KCNC2: variants seen among roughly 807,000 people sequenced by gnomAD.
The protein encoded by KCNC2 is voltage-gated potassium channel KCNC2.
Under a neutral mutation model 44.5 loss-of-function variants are expected in KCNC2, and 21 were observed. The observed-to-expected ratio is 0.47, with a 90% CI of 0.33 to 0.68. The LOEUF (loss-of-function observed/expected upper bound fraction) is 0.68, where lower values mean the gene tolerates loss of function less well. Ranked by LOEUF, KCNC2 falls within the 30% of genes least tolerant of loss-of-function variation. The pLI, the probability that KCNC2 is intolerant of heterozygous loss-of-function variation, is 0.01. For missense variants in KCNC2, 589 were observed against 826.2 expected, an observed-to-expected ratio of 0.71 and a Z score of 3.52; for synonymous variants, 391 against 339.1, an observed-to-expected ratio of 1.15 and a Z score of -1.68.
In KCNC2 at chr12:75,050,413, C is replaced by T. The variant is rs201668041; in HGVS notation, c.1592G>A (p.Arg531Gln). The part of the protein sequence containing the change: ...QSDTCLGKDN[R>Q]LLEHNRSVLS... ...ACCTGATCTGTTATGTTCCAGAAGT[C>T]GATTGTCTTTGCCCAGACATGTGTC... Residue 531 changes from arginine (R) to glutamine (Q), a missense_variant, in exon 3 of 5, where the codon CGA (arginine) becomes CAA (glutamine). Arg to Gln is a conservative substitution (Grantham distance 43, BLOSUM62 1). Coordinates refer to ENST00000549446, the MANE Select transcript of KCNC2 (RefSeq NM_139137.4). 8.7e-6 allele frequency: 14 copies of T among 1,611,462 alleles called. No homozygotes were observed. The highest frequency in any genetic ancestry group is 1.7e-4 in the Middle Eastern group (1 of 6,056).
chr12:75,051,569 G>C (rs1391394269), intron 2 of KCNC2, among the ~76,000 whole-genome samples: 1 of 152,030 alleles, frequency 6.6e-6, no homozygotes, highest in Non-Finnish European at 1.5e-5. Flanking sequence ...ATAATTTATT[G>C]AGATTTTTTT....
chr12:75,086,699 T>TATATATATATAC (rs1339170718), intron 2 of KCNC2, among the ~76,000 whole-genome samples: 52 of 138,590 alleles, frequency 3.8e-4, no homozygotes, highest in African/African-American at 9.5e-4. Flanking sequence ...TATATATATA[T>TATATATATATAC]ACACACACAT....
At chr12:75,088,125 G>T (rs1005138840) in intron 2 of KCNC2, among the ~76,000 whole-genome samples, 2 of 151,996 alleles carry the variant, frequency 1.3e-5, no homozygotes, top group African/African-American at 2.4e-5. Flanking sequence ...TGAAGTCGAG[G>T]TTTAAAAAAC....
chr12:75,159,127 G>T (rs1890954306), intron 2 of KCNC2, among the ~76,000 whole-genome samples: 1 of 150,828 alleles, frequency 6.6e-6, no homozygotes, highest in South Asian at 2.1e-4. Flanking sequence ...GGAGGGTGGG[G>T]GGGAAAGGGG....
chr12:75,128,941 G>T (rs1335877844), intron 2 of KCNC2, among the ~76,000 whole-genome samples: 1 of 152,104 alleles, frequency 6.6e-6, no homozygotes, highest in East Asian at 1.9e-4. Context: ...CTAAGGTCAG[G>T]CTGTCACCAA....
intron 2 of KCNC2, among the ~76,000 whole-genome samples, chr12:75,158,719 C>G (rs967194579): frequency 1.3e-5 from 2 of 151,796 alleles, no homozygotes; most frequent in African/African-American, 4.8e-5. Flanking sequence ...TTCTGAGAAG[C>G]TTTATCTGAA....
chr12:75,042,891 G>A lies in KCNC2; in HGVS notation c.*214C>T. The A allele has an allele frequency of 7.5e-7, 1 of 1,341,550 alleles. No individual in the cohort carries two copies. The allele number at this position is 1,341,550 out of a possible 1,614,324, so 83.1% of individuals were successfully genotyped here. A position where few individuals can be genotyped will look rare whatever the true frequency, so the allele number is the denominator to read the frequency against. The stretch of plus-strand genomic sequence containing the variant: ...AAGGATATCAGGGCAATTAATAGGA[G>A]GGATCTTAGCACTACTTTAGACAAT... On this transcript the variant is annotated 3_prime_UTR_variant, in exon 5 of 5. Coordinates refer to ENST00000549446, the MANE Select transcript of KCNC2 (RefSeq NM_139137.4).
At chr12:75,044,346 A>G (rs1050869199) in intron 4 of KCNC2, 18 of 152,056 alleles carry the variant, frequency 1.2e-4, no homozygotes, top group Admixed American at 3.9e-4. Context: ...AAGTAGATAC[A>G]ATTCTAGTGG....
chr12:75,045,928 C>A (rs1246051274), intron 4 of KCNC2, among the ~76,000 whole-genome samples: 1 of 151,472 alleles, frequency 6.6e-6, no homozygotes, highest in Non-Finnish European at 1.5e-5. Context: ...GATAGACCAA[C>A]TTGAGGGATA....
At chr12:75,165,136 G>A (rs1891363137) in intron 2 of KCNC2, among the ~76,000 whole-genome samples, 1 of 151,540 alleles carries the variant, frequency 6.6e-6, no homozygotes, top group African/African-American at 2.4e-5. Flanking sequence ...AACTGATAGA[G>A]GCAATTTTTA....
intron 2 of KCNC2, among the ~76,000 whole-genome samples, chr12:75,110,310 C>CT (rs777637903): frequency 7.0e-4 from 106 of 152,198 alleles, no homozygotes; most frequent in Admixed American, 2.0e-3. Flanking sequence ...AAGTAGGTAA[C>CT]TTTTGAAATA....
chr12:75,206,769 C>T (rs997129294), intron 2 of KCNC2, among the ~76,000 whole-genome samples: 10 of 152,184 alleles, frequency 6.6e-5, no homozygotes, highest in African/African-American at 1.9e-4. Flanking sequence ...GCAAACCTTT[C>T]CTCCCTCCAC....
chr12:75,184,020 C>T (rs1257045084), intron 2 of KCNC2, among the ~76,000 whole-genome samples: 1 of 152,166 alleles, frequency 6.6e-6, no homozygotes, highest in African/African-American at 2.4e-5. Flanking sequence ...TTCTCACCCC[C>T]ACCCACTTCT....
chr12:75,185,768 G>T (rs945700998), intron 2 of KCNC2, among the ~76,000 whole-genome samples: 4 of 152,084 alleles, frequency 2.6e-5, no homozygotes, highest in African/African-American at 9.7e-5. Context: ...ATTGTAGGCT[G>T]GCTGTGGTGG....
chr12:75,190,372 G>A (rs61932901), intron 2 of KCNC2, among the ~76,000 whole-genome samples: 12,744 of 152,088 alleles, frequency 0.084, 593 homozygotes, highest in Admixed American at 0.14. Context: ...CTTTGGCTAA[G>A]TTCTGTTCCT....
chr12:75,061,793 A>G (rs1882368588), intron 2 of KCNC2, among the ~76,000 whole-genome samples: 1 of 152,068 alleles, frequency 6.6e-6, no homozygotes, highest in Non-Finnish European at 1.5e-5. Context: ...TCAGCAAGCC[A>G]TCATAACTAC....
At chr12:75,183,279 C>T (rs1228731482) in intron 2 of KCNC2, among the ~76,000 whole-genome samples, 1 of 152,134 alleles carries the variant, frequency 6.6e-6, no homozygotes, top group Non-Finnish European at 1.5e-5. Flanking sequence ...AAGAGACTCC[C>T]CATGCAGAAA....
At position 75,042,472 on chromosome 12, in the gene KCNC2, C is replaced by A; in HGVS notation, c.*633G>T. The A allele has an allele frequency of 6.8e-7, 1 of 1,477,002 alleles. No individual in the cohort carries two copies. The highest frequency in any genetic ancestry group is 9.0e-7 in the Non-Finnish European group (1 of 1,110,002). 91.5% of individuals were successfully genotyped at this position (1,477,002 alleles called of 1,614,324 possible). Reference sequence around the variant, plus strand: ...ATTAAACTATTTAAAACATATATTTCTTTCAAATAATAAGAAAAAAATGTC... The same window carrying A: ...ATTAAACTATTTAAAACATATATTTATTTCAAATAATAAGAAAAAAATGTC... On this transcript the variant is annotated 3_prime_UTR_variant, in exon 5 of 5. Transcript: ENST00000549446.
intron 2 of KCNC2, among the ~76,000 whole-genome samples, chr12:75,179,755 T>C (rs1892447129): frequency 6.6e-6 from 1 of 151,156 alleles, no homozygotes; most frequent in African/African-American, 2.4e-5. Context: ...TTATATCTTT[T>C]ATAAAAACTA....
Sources: gnomAD v4.1 joint callset for allele counts (sites outside exome capture counted in the v4.1 genomes callset) on GRCh38, gnomAD v4.1.1 for gene constraint, MANE v1.5 for transcripts, NCBI Gene and HGNC (gene_info 2026-07-23, HGNC 2026-07-21) for gene names.